Variants in ATP13A4 observed in about 807,000 individuals in gnomAD.
The protein encoded by ATP13A4 is ATPase 13A4, also known as probable cation-transporting ATPase 13A4.
In ATP13A4, 114 loss-of-function variants were observed where a neutral mutation model predicts 142.5. That is an observed-to-expected ratio of 0.80 (90% CI 0.69 to 0.93). The LOEUF (loss-of-function observed/expected upper bound fraction) is 0.93, where lower values mean the gene tolerates loss of function less well. Ranked by LOEUF, ATP13A4 falls within the 40% of genes least tolerant of loss-of-function variation. The pLI is 0.00. For synonymous variants in ATP13A4, 488 were observed against 514.8 expected (o/e 0.95, Z 0.70); for missense variants, 1,392 against 1,454.0 (o/e 0.96, Z 0.69).
intron 18 of ATP13A4, among the ~76,000 whole-genome samples, chr3:193,444,631 A>G (rs1716835202): frequency 6.6e-6 from 1 of 152,234 alleles, no homozygotes; most frequent in Non-Finnish European, 1.5e-5. Flanking sequence ...GGTTTTCAAC[A>G]TATGTCATAG....
rs752485387 is a variant in ATP13A4, at chr3:193,448,241, A to G, written c.2117T>C (p.Leu706Pro). The G allele has an allele frequency of 1.9e-6, 3 of 1,614,120 alleles. No homozygotes were observed. The highest frequency in any genetic ancestry group is 2.2e-5 in the East Asian group (1 of 44,888). ...KEETKPVLEE[L>P]ISARIRTVMI... is the part of the protein sequence containing the mutation. ...TACAGTCCTTATCCGGGCTGAGATG[A>G]GCTCTTCCAAGACAGGTTTTGTCTC... The change falls in exon 18 of 30, where the codon CTC becomes CCC. Residue 706 changes from leucine (L) to proline (P), a missense_variant. Coordinates refer to ENST00000342695, the MANE Select transcript of ATP13A4 (RefSeq NM_032279.4).
chr3:193,512,705 A>G (rs1248663849), intron 2 of ATP13A4, among the ~76,000 whole-genome samples: 7 of 152,300 alleles, frequency 4.6e-5, no homozygotes, highest in Admixed American at 3.3e-4. Context: ...TGCCAGTTGA[A>G]GTGTGTGAAC....
At chr3:193,544,404 T>C (rs1723111797) in intron 1 of ATP13A4, among the ~76,000 whole-genome samples, 2 of 151,924 alleles carry the variant, frequency 1.3e-5, no homozygotes, top group Admixed American at 6.6e-5. Flanking sequence ...AATATGAATA[T>C]TGACAAAGCA....
intron 26 of ATP13A4, among the ~76,000 whole-genome samples, chr3:193,413,035 A>T (rs1445005156): frequency 6.6e-6 from 1 of 152,168 alleles, no homozygotes; most frequent in East Asian, 1.9e-4. Flanking sequence ...TAACAGCAAC[A>T]ACGACAACTG....
At chr3:193,573,274 T>TATATATATATACAC (rs1209937896) in intron 2 of ATP13A4, among the ~76,000 whole-genome samples, 2 of 83,070 alleles carry the variant, frequency 2.4e-5, no homozygotes, top group Non-Finnish European at 4.7e-5. Context: ...TATATATATA[T>TATATATATATACAC]ACATATATAT....
chr3:193,586,566 T>C (rs1314622423), intron 1 of ATP13A4, among the ~76,000 whole-genome samples: 2 of 152,238 alleles, frequency 1.3e-5, no homozygotes, highest in East Asian at 1.9e-4. Flanking sequence ...ATGTGTATAG[T>C]ATACATTTTC....
At chr3:193,414,229 A>T (rs1714929791) in intron 26 of ATP13A4, among the ~76,000 whole-genome samples, 1 of 152,222 alleles carries the variant, frequency 6.6e-6, no homozygotes, top group African/African-American at 2.4e-5. Flanking sequence ...TTGAAGGTGA[A>T]AAGGAAAGAT....
intron 18 of ATP13A4, among the ~76,000 whole-genome samples, chr3:193,443,363 A>G (rs1716765665): frequency 1.3e-5 from 2 of 152,360 alleles, no homozygotes; most frequent in Non-Finnish European, 2.9e-5. Context: ...GAACTATGAT[A>G]TAAATCACCC....
chr3:193,506,775 T>G (rs1720884335), intron 2 of ATP13A4, among the ~76,000 whole-genome samples: 1 of 152,198 alleles, frequency 6.6e-6, no homozygotes, highest in South Asian at 2.1e-4. Context: ...TTCACCCTTT[T>G]GCTTGGCACT....
chr3:193,510,649 TCA>T (rs1721095853), intron 2 of ATP13A4, among the ~76,000 whole-genome samples: 1 of 152,316 alleles, frequency 6.6e-6, no homozygotes, highest in South Asian at 2.1e-4. Flanking sequence ...GAAAAATCTC[TCA>T]GAGTCCTTAA....
chr3:193,425,895 T>C (rs768905828), intron 25 of ATP13A4, among the ~76,000 whole-genome samples: 1 of 151,784 alleles, frequency 6.6e-6, no homozygotes, highest in Non-Finnish European at 1.5e-5. Context: ...CAAAAAATGA[T>C]AAATGTGCAA....
At chr3:193,463,742 G>C (rs1034682552) in intron 12 of ATP13A4, among the ~76,000 whole-genome samples, 1 of 151,958 alleles carries the variant, frequency 6.6e-6, no homozygotes, top group Non-Finnish European at 1.5e-5. Context: ...CTTTTTCCAG[G>C]TCCGAGGATA....
intron 23 of ATP13A4, among the ~76,000 whole-genome samples, chr3:193,437,825 ATTTTTTTT>A (rs372139378): frequency 3.9e-5 from 4 of 102,946 alleles, no homozygotes; most frequent in South Asian, 3.4e-4. Flanking sequence ...GCCAATAAAG[ATTTTTTTT>A]TTTTTTTTTT....
At chr3:193,582,948 G>A in intron 1 of ATP13A4, among the ~76,000 whole-genome samples, 4 of 62,806 alleles carry the variant, frequency 6.4e-5, no homozygotes, top group East Asian at 3.5e-4. Context: ...AAATATATAT[G>A]TATATTACAT....
rs1157089713 is a variant in ATP13A4, at chr3:193,418,168, T to A, written c.2843-3418A>T. ...AAAAAAAAAAAAAAAAAAAAAAAAA[T>A]TAGCCAGGCGAGGTGGCGGGCACCT... On this transcript the variant is annotated intron_variant, in intron 25 of 29. Coordinates refer to ENST00000342695, the MANE Select transcript of ATP13A4 (RefSeq NM_032279.4). Among the ~76,000 whole-genome samples, 23 of 89,758 alleles carry A rather than the reference T, an allele frequency of 2.6e-4. 1 individual carries two copies. Among genetic ancestry groups the A allele is most frequent in the African/African-American group, 1.1e-3 (23 of 20,688 alleles). The allele number at this position is 89,758 out of a possible 152,430, so 58.9% of individuals were successfully genotyped here.
chr3:193,582,704 TAATATATATGTATATTACATATATAA>T (rs1467017012), intron 1 of ATP13A4, among the ~76,000 whole-genome samples: 7,851 of 57,520 alleles, frequency 0.14, 2,252 homozygotes, highest in East Asian at 0.22. Flanking sequence ...ATAACATATA[TAATATATATGTATATTACATATATAA>T]AATATATATG....
At chr3:193,474,322 C>CAAAAAAAAAAAAAAAAAAAAAAAAAA (rs1176133187) in intron 8 of ATP13A4, among the ~76,000 whole-genome samples, 4 of 69,090 alleles carry the variant, frequency 5.8e-5, no homozygotes, top group Non-Finnish European at 1.1e-4. Flanking sequence ...GACTCCGTCT[C>CAAAAAAAAAAAAAAAAAAAAAAAAAA]AAAAAAAAAA....
intron 1 of ATP13A4, among the ~76,000 whole-genome samples, chr3:193,517,880 C>G (rs760512820): frequency 6.6e-6 from 1 of 152,168 alleles, no homozygotes; most frequent in Non-Finnish European, 1.5e-5. Context: ...CTTTGCCACT[C>G]TTAAATACTA....
chr3:193,414,016 C>T (rs554119500), intron 26 of ATP13A4, among the ~76,000 whole-genome samples: 9 of 152,224 alleles, frequency 5.9e-5, no homozygotes, highest in Non-Finnish European at 8.8e-5. Flanking sequence ...ACGGTCCTAC[C>T]GATATGTGAT....
Sources: gnomAD v4.1 joint callset for allele counts (sites outside exome capture counted in the v4.1 genomes callset) on GRCh38, gnomAD v4.1.1 for gene constraint, MANE v1.5 for transcripts, NCBI Gene and HGNC (gene_info 2026-07-23, HGNC 2026-07-21) for gene names.